FCRL1: variants seen among roughly 807,000 people sequenced by gnomAD.
The protein encoded by FCRL1 is Fc receptor like 1, also known as Fc receptor-like protein 1.
Under a neutral mutation model 49.2 loss-of-function variants are expected in FCRL1, and 34 were observed. That is an observed-to-expected ratio of 0.69 (90% CI 0.53 to 0.92). The LOEUF (loss-of-function observed/expected upper bound fraction) is 0.92. FCRL1 is among the 40% of genes least tolerant of loss of function. The pLI is 0.00. For missense variants in FCRL1, 524 were observed against 524.1 expected, an observed-to-expected ratio of 1.00 and a Z score of 0.00; for synonymous variants, 218 against 201.6, an observed-to-expected ratio of 1.08 and a Z score of -0.69.
chr1:157,804,857 C>CTT (rs10715283), intron 2 of FCRL1, among the ~76,000 whole-genome samples: 1 of 140,778 alleles, frequency 7.1e-6, no homozygotes, highest in South Asian at 2.2e-4. Flanking sequence ...TTTTCTTTTT[C>CTT]TTTTTTTTTT....
At position 157,795,012 on chromosome 1, in the gene FCRL1, T is replaced by C. The variant is rs1229998920; in HGVS notation, c.*1087A>G. 6.6e-6 allele frequency: 1 copy of C among 152,160 alleles called. No individual in the cohort carries two copies. The highest frequency in any genetic ancestry group is 1.5e-5 in the Non-Finnish European group (1 of 68,030). 9.4% of individuals were successfully genotyped at this position (152,160 alleles called of 1,614,324 possible). A position where few individuals can be genotyped will look rare whatever the true frequency, so the allele number is the denominator to read the frequency against. ...AATATCTAGAGAGCTACCTGTAAAG[T>C]TTTTAACAATAGTTAACATTTGTGT... On this transcript the variant is annotated 3_prime_UTR_variant, in exon 11 of 11. Coordinates refer to ENST00000368176, the MANE Select transcript of FCRL1 (RefSeq NM_052938.5).
intron 2 of FCRL1, among the ~76,000 whole-genome samples, chr1:157,805,559 T>G (rs1357128855): frequency 6.6e-6 from 1 of 152,176 alleles, no homozygotes; most frequent in African/African-American, 2.4e-5. Flanking sequence ...CCCAGAAGAC[T>G]GACCAGTAGC....
In FCRL1 at chr1:157,794,838, A is replaced by G. The variant is rs1651249227; in HGVS notation, c.*1261T>C. On this transcript the variant is annotated 3_prime_UTR_variant, in exon 11 of 11. Coordinates refer to ENST00000368176, the MANE Select transcript of FCRL1 (RefSeq NM_052938.5). Reference sequence around the variant, plus strand: ...AAAAGAAAAAAGTTATGATTTATCTATATAACACACTACTATAGAGACTTT... The same window carrying G: ...AAAAGAAAAAAGTTATGATTTATCTGTATAACACACTACTATAGAGACTTT... 1 of 152,236 alleles carries G rather than the reference A, an allele frequency of 6.6e-6. No homozygotes were observed. The highest frequency in any genetic ancestry group is 6.5e-5 in the Admixed American group (1 of 15,290). The allele number at this position is 152,236 out of a possible 1,614,324, so 9.4% of individuals were successfully genotyped here.
chr1:157,802,025 C>T lies in FCRL1; in HGVS notation c.776G>A (p.Gly259Glu), dbSNP rs754207669. The change falls in exon 5 of 11, where the codon GGA becomes GAA. Residue 259 changes from glycine to glutamate, a missense_variant. By Grantham distance (98) the Gly-to-Glu change is moderately conservative. Coordinates refer to ENST00000368176, the MANE Select transcript of FCRL1 (RefSeq NM_052938.5). The part of the protein sequence containing the change: ...LGSRSAPSGG[G>E]ASFNLSLTEE... The stretch of plus-strand genomic sequence containing the variant: ...AGTCAGGGAAAGGTTGAAGGAGGCT[C>T]CTCCTCCAGAGGGGGCCGACCTGCT... 1.9e-6 allele frequency: 3 copies of T among 1,614,078 alleles called. No homozygotes were observed. The East Asian group carries it at 6.7e-5, about 36-fold the overall frequency.
At chr1:157,799,110 C>A (rs1196952955) in intron 7 of FCRL1, among the ~76,000 whole-genome samples, 4 of 152,184 alleles carry the variant, frequency 2.6e-5, no homozygotes, top group Admixed American at 2.6e-4. Flanking sequence ...AAGGGATTCT[C>A]TTGCCTCAGC....
rs1271135858 is a variant in FCRL1, at chr1:157,795,749, A to G, written c.*350T>C. 5.0e-6 allele frequency: 1 copy of G among 200,088 alleles called. No homozygotes were observed. Among genetic ancestry groups the G allele is most frequent in the African/African-American group, 2.3e-5 (1 of 43,808 alleles). The allele number at this position is 200,088 out of a possible 1,614,324, so 12.4% of individuals were successfully genotyped here. A position where few individuals can be genotyped will look rare whatever the true frequency, so the allele number is the denominator to read the frequency against. On this transcript the variant is annotated 3_prime_UTR_variant, in exon 11 of 11. Coordinates refer to ENST00000368176, the MANE Select transcript of FCRL1 (RefSeq NM_052938.5). ...CTGCAGAGTCACTAACCTTGAGTTC[A>G]TGTGCTCTAAGCTTCACTGTCCCTC...
At chr1:157,801,685 ATTT>A in intron 5 of FCRL1, 108 bp from the exon 6 acceptor site, 1 of 900,486 alleles carries the variant, frequency 1.1e-6, no homozygotes, top group Non-Finnish European at 1.8e-6. Flanking sequence ...CCAAGTGGGG[ATTT>A]ATTTATTTGT....
chr1:157,797,659 A>C, intron 9 of FCRL1: 1 of 1,307,882 alleles, frequency 7.6e-7, no homozygotes, highest in South Asian at 1.3e-5. Context: ...TTGACAGCCC[A>C]TCCCCAGGGG....
chr1:157,803,357 T>G (rs1487133837), intron 3 of FCRL1, among the ~76,000 whole-genome samples: 5 of 152,188 alleles, frequency 3.3e-5, no homozygotes. Flanking sequence ...TATGAAGCAC[T>G]CTTTTCTTTC....
rs780022428 is a variant in FCRL1 at position 157,801,964 on chromosome 1, G to C, written c.837C>G (p.Asn279Lys). The C allele has an allele frequency of 2.1e-5, 34 of 1,614,118 alleles. No individual in the cohort carries two copies. The highest frequency in any genetic ancestry group is 2.7e-5 in the African/African-American group (2 of 74,954). Residue 279 changes from asparagine to lysine, a missense_variant, in exon 5 of 11, where the codon AAC becomes AAG. Physicochemically the swap from Asn to Lys is moderately conservative, Grantham distance 94 (BLOSUM62 0). Transcript: ENST00000368176. ...CACTGCGCTGGGCCCCCAGGCCATT[G>C]TTGGCCTCACAGGAGTAGTTTCCAG... The part of the protein sequence containing the change: ...EHSGNYSCEA[N>K]NGLGAQRSEA...
chr1:157,811,547 AC>A (rs1409922013), intron 1 of FCRL1, among the ~76,000 whole-genome samples: 2 of 152,280 alleles, frequency 1.3e-5, no homozygotes, highest in South Asian at 4.1e-4. Context: ...TTCTCACAGG[AC>A]CTAAGTCCAG....
intron 6 of FCRL1, 28 bp from the exon 7 acceptor site, chr1:157,800,113 A>G (rs780398378): frequency 3.1e-6 from 5 of 1,611,780 alleles, no homozygotes; most frequent in African/African-American, 1.3e-5. Context: ...GAGCATACAC[A>G]TAAATGGAAG....
chr1:157,804,212 C>A, intron 2 of FCRL1, 101 bp from the exon 3 acceptor site: 4 of 1,457,590 alleles, frequency 2.7e-6, no homozygotes, highest in Non-Finnish European at 3.7e-6. Flanking sequence ...AAAGAAACAG[C>A]CAGTTGGACA....
intron 1 of FCRL1, among the ~76,000 whole-genome samples, chr1:157,815,445 T>C (rs1026855099): frequency 2.0e-5 from 3 of 151,804 alleles, no homozygotes; most frequent in Non-Finnish European, 3.0e-5. Flanking sequence ...CTGTGAAATA[T>C]AGCAAAAGCA....
At chr1:157,813,068 A>G (rs1173545892) in intron 1 of FCRL1, among the ~76,000 whole-genome samples, 1 of 152,172 alleles carries the variant, frequency 6.6e-6, no homozygotes, top group East Asian at 1.9e-4. Flanking sequence ...AAACTTCCTA[A>G]ACTAAGGATC....
intron 1 of FCRL1, among the ~76,000 whole-genome samples, chr1:157,808,054 A>C (rs1653743592): frequency 1.3e-5 from 2 of 152,228 alleles, no homozygotes; most frequent in Non-Finnish European, 2.9e-5. Flanking sequence ...GTTTACTTGA[A>C]TAATTAGTTC....
chr1:157,798,315 G>T (rs752891679), intron 7 of FCRL1, 72 bp from the exon 8 acceptor site: 15 of 1,282,200 alleles, frequency 1.2e-5, no homozygotes, highest in Non-Finnish European at 6.6e-6. Context: ...CACTGAAGGA[G>T]AGAAGCCTGT....
At chr1:157,819,967 T>G (rs758692674) in intron 1 of FCRL1, 40 bp downstream of exon 1, 2 of 1,613,424 alleles carry the variant, frequency 1.2e-6, no homozygotes, top group South Asian at 2.2e-5. Flanking sequence ...AGCCCAAGCA[T>G]GATTGCATCC....
Position 157,801,577 on chromosome 1 carries a change from A to C in FCRL1, c.887T>G (p.Val296Gly). 6.2e-7 allele frequency: 1 copy of C among 1,603,728 alleles called. No homozygotes were observed. Among genetic ancestry groups the C allele is most frequent in the Non-Finnish European group, 8.5e-7 (1 of 1,171,072 alleles). The change falls in exon 6 of 11, where the codon GTG becomes GGG. Residue 296 changes from valine (V) to glycine (G), a missense_variant and splice_region_variant. Physicochemically the swap from Val to Gly is moderately radical, Grantham distance 109 (BLOSUM62 -3). Transcript: ENST00000368176. ...RSEAVTLNFT[V>G]PTGARSNHLT... is the part of the protein sequence containing the mutation. ...ATGATTGCTTCTGGCCCCAGTAGGC[A>C]CTAGAGGGAGAGACCTGTGCATGAT... is the stretch of plus-strand genomic sequence containing the variant.
Sources: gnomAD v4.1 joint callset for allele counts (sites outside exome capture counted in the v4.1 genomes callset) on GRCh38, gnomAD v4.1.1 for gene constraint, MANE v1.5 for transcripts, NCBI Gene and HGNC (gene_info 2026-07-23, HGNC 2026-07-21) for gene names.